LYST: variants seen among roughly 807,000 people sequenced by gnomAD.
LYST encodes the protein lysosomal trafficking regulator.
In LYST, 192 loss-of-function variants were observed where a neutral mutation model predicts 413.6. The ratio of observed to expected loss-of-function variants is 0.46; its 90% CI spans 0.41 to 0.52. The LOEUF is 0.52. Among genes scored for constraint, LYST ranks in the 20% least tolerant of loss-of-function variants. LYST has a pLI of 0.00. For synonymous variants in LYST, 1,525 were observed against 1,567.3 expected (o/e 0.97, Z 0.64); for missense variants, 3,815 against 4,499.9 (o/e 0.85, Z 4.35).
At chr1:235,676,029 C>G (rs1415105931) in intron 50 of LYST, among the ~76,000 whole-genome samples, 1 of 152,084 alleles carries the variant, frequency 6.6e-6, no homozygotes, top group Non-Finnish European at 1.5e-5. Flanking sequence ...ATCTTAAGAC[C>G]CTTAAAAATA....
chr1:235,713,081 C>T, intron 42 of LYST: 1 of 985,402 alleles, frequency 1.0e-6, no homozygotes, highest in Non-Finnish European at 1.2e-6. Context: ...TTCTCCCAGC[C>T]TTAGTTGCTC....
intron 14 of LYST, among the ~76,000 whole-genome samples, chr1:235,785,348 C>T (rs1670309634): frequency 6.6e-6 from 1 of 152,058 alleles, no homozygotes; most frequent in African/African-American, 2.4e-5. Flanking sequence ...TGTCTGATTC[C>T]TCATCAGACT....
At chr1:235,671,205 T>C (rs548031796) in intron 50 of LYST, among the ~76,000 whole-genome samples, 1 of 152,208 alleles carries the variant, frequency 6.6e-6, no homozygotes, top group Non-Finnish European at 1.5e-5. Context: ...CCCAAAGCGT[T>C]GGGATTACAG....
chr1:235,724,955 A>G (rs12088710), intron 38 of LYST, among the ~76,000 whole-genome samples: 6,228 of 152,316 alleles, frequency 0.041, 422 homozygotes, highest in African/African-American at 0.14. Flanking sequence ...CTGCATATGC[A>G]TGCATGTATG....
chr1:235,841,722 C>T (rs1311311343), intron 1 of LYST, among the ~76,000 whole-genome samples: 5 of 152,072 alleles, frequency 3.3e-5, no homozygotes, highest in Admixed American at 1.3e-4. Flanking sequence ...GGAGGGGACA[C>T]ATCATCCTCT....
In LYST at chr1:235,746,443, A is replaced by G. The variant is rs1381455418; in HGVS notation, c.7865T>C (p.Met2622Thr). The change falls in exon 29 of 53, where the codon ATG (methionine) becomes ACG (threonine). Residue 2622 changes from methionine (M) to threonine (T), a missense_variant. By Grantham distance (81) the Met-to-Thr change is moderately conservative. Transcript: ENST00000389793. ...SVANDELHVM[M>T]QRRMSQENPS... ...GTTCTCTTGGCTCATTCTCCGTTGC[A>G]TCATCACATGAAGCTCATCATTTGC... is the stretch of plus-strand genomic sequence containing the variant. 12 of 1,613,508 alleles carry G rather than the reference A, an allele frequency of 7.4e-6. No homozygotes were observed. The highest frequency in any genetic ancestry group is 9.3e-6 in the Non-Finnish European group (11 of 1,179,614).
At chr1:235,730,181 T>C (rs1007924621) in intron 36 of LYST, among the ~76,000 whole-genome samples, 3 of 152,038 alleles carry the variant, frequency 2.0e-5, no homozygotes, top group Non-Finnish European at 4.4e-5. Flanking sequence ...ATTATCTTCT[T>C]TGTGTCTCAG....
chr1:235,759,235 C>A lies in LYST; in HGVS notation c.6618G>T (p.Gln2206His). Reference sequence around the variant, plus strand: ...CTTCTGACCTGGGTTCTGCTCCCAACTGTTTATGATCTGCTTTGACCACTG... The same window carrying A: ...CTTCTGACCTGGGTTCTGCTCCCAAATGTTTATGATCTGCTTTGACCACTG... ...GFPVVKADHK[Q>H]LGAEPRSEDD... Residue 2206 changes from glutamine to histidine, a missense_variant, in exon 23 of 53, where the codon CAG becomes CAT. By Grantham distance (24) the Gln-to-His change is conservative. Transcript: ENST00000389793. The A allele has an allele frequency of 6.2e-7, 1 of 1,614,182 alleles. No homozygotes were observed. The highest frequency in any genetic ancestry group is 8.5e-7 in the Non-Finnish European group (1 of 1,180,018).
At position 235,664,798 on chromosome 1, in the gene LYST, CT is replaced by C. The variant is rs1658297257; in HGVS notation, c.11039-178del. Among the ~76,000 whole-genome samples the C allele has an allele frequency of 6.6e-6, 1 of 152,234 alleles. No individual in the cohort carries two copies. Among genetic ancestry groups the C allele is most frequent in the East Asian group, 1.9e-4 (1 of 5,178 alleles). ...TACTACACAAGTTGCACAGATTTTT[CT>C]TTTTCATTTTCTTTTGAGACAGAGT... On this transcript the variant is annotated intron_variant, in intron 50 of 52. Coordinates refer to ENST00000389793, the MANE Select transcript of LYST (RefSeq NM_000081.4). The surrounding 1 kb of genome is among the most constrained non-coding windows in gnomAD (Gnocchi z 4.5).
intron 42 of LYST, chr1:235,712,907 TAG>T (rs1662520132): frequency 2.0e-6 from 2 of 985,256 alleles, no homozygotes; most frequent in South Asian, 9.4e-5. Context: ...GGGAAAGGCC[TAG>T]AATATTAAAT....
intron 50 of LYST, among the ~76,000 whole-genome samples, chr1:235,666,819 A>G (rs1035145890): frequency 2.6e-5 from 4 of 152,232 alleles, no homozygotes; most frequent in Non-Finnish European, 4.4e-5. Flanking sequence ...TTAAAAGATA[A>G]AATAATTAGA....
intron 1 of LYST, among the ~76,000 whole-genome samples, chr1:235,841,772 G>C (rs1677241030): frequency 6.6e-6 from 1 of 152,152 alleles, no homozygotes; most frequent in African/African-American, 2.4e-5. Flanking sequence ...TGCAGATATA[G>C]AAAACAGGTG....
At position 235,757,446 on chromosome 1, in the gene LYST, G is replaced by A. The variant is rs368568991; in HGVS notation, c.6894C>T (p.Asp2298=). The A allele has an allele frequency of 1.1e-5, 17 of 1,613,144 alleles. No individual in the cohort carries two copies. Among genetic ancestry groups the A allele is most frequent in the Non-Finnish European group, 1.4e-5 (17 of 1,179,400 alleles). ...ATCCACAGCATATAGGTACCAAACA[G>A]TCTTCAGTTACACTAAAACAGAGAC... The part of the protein sequence containing the change: ...RTASAHSVTE[D]CLVPICCGLY... Residue 2298 remains aspartate, a synonymous_variant, in exon 24 of 53, where the codon GAC becomes GAT. Transcript: ENST00000389793.
intron 10 of LYST, among the ~76,000 whole-genome samples, chr1:235,798,570 C>T (rs531468683): frequency 0.016 from 1,174 of 72,518 alleles, 39 homozygotes; most frequent in African/African-American, 0.054. Flanking sequence ...AAGGGCAAAA[C>T]CCTGTCATAA....
chr1:235,812,733 C>T (rs779971835), intron 4 of LYST, among the ~76,000 whole-genome samples: 1 of 152,042 alleles, frequency 6.6e-6, no homozygotes, highest in South Asian at 2.1e-4. Context: ...AGTGTTTCTG[C>T]TTCTTTATAC....
In LYST at chr1:235,866,891, A is replaced by T. The variant is rs1366722420; in HGVS notation, c.-146T>A. On this transcript the variant is annotated 5_prime_UTR_variant, in exon 1 of 53. Coordinates refer to ENST00000389793, the MANE Select transcript of LYST (RefSeq NM_000081.4). ...CCGCGCACTCCCCCTCTCCCGGAGA[A>T]CCCCGAGCCGACGCCGCTGCCGCCG... 6.6e-6 allele frequency: 1 copy of T among 152,224 alleles called. No homozygotes were observed. Among genetic ancestry groups the T allele is most frequent in the Non-Finnish European group, 1.5e-5 (1 of 68,398 alleles). The allele number at this position is 152,224 out of a possible 1,614,324, so 9.4% of individuals were successfully genotyped here.
In LYST at chr1:235,720,820, A is replaced by C; in HGVS notation, c.9401T>G (p.Leu3134Ter). Residue 3134 changes from leucine to a stop codon, truncating the protein, a stop_gained, in exon 40 of 53, where the codon TTA (leucine) becomes TGA (stop). Coordinates refer to ENST00000389793, the MANE Select transcript of LYST (RefSeq NM_000081.4). LOFTEE classifies it high-confidence loss of function. ...EYGNITALTN[L>*]WYTGQITNFE... ...ATTAGTAATTTGCCCAGTATACCATAAATTTGTCAGAGCGGTGATGTTACC... is the reference window on the plus strand; with the variant it reads ...ATTAGTAATTTGCCCAGTATACCATCAATTTGTCAGAGCGGTGATGTTACC... 2 of 1,614,080 alleles carry C rather than the reference A, an allele frequency of 1.2e-6. No homozygotes were observed. Among genetic ancestry groups the C allele is most frequent in the Non-Finnish European group, 1.7e-6 (2 of 1,179,962 alleles).
rs576413659 is a variant in LYST, at chr1:235,673,727, G to A, written c.11038+3364C>T. ...TTGAAATGCGCTTTGTTTCTTCCCC[G>A]CTATCCTCTATTGTTACCCCTTCCC... is the stretch of plus-strand genomic sequence containing the variant. On this transcript the variant is annotated intron_variant, in intron 50 of 52. Coordinates refer to ENST00000389793, the MANE Select transcript of LYST (RefSeq NM_000081.4). 8.6e-5 allele frequency among the ~76,000 whole-genome samples: 13 copies of A among 151,992 alleles called. 1 individual carries two copies. In the South Asian group the frequency reaches 1.0e-3, roughly 12 times the overall value.
intron 46 of LYST, 132 bp from the exon 47 acceptor site, chr1:235,693,618 T>C: frequency 1.1e-6 from 1 of 942,246 alleles, no homozygotes; most frequent in East Asian, 2.4e-5. Flanking sequence ...CATCTTTAAA[T>C]CTCTAAAATG....
Sources: allele counts gnomAD v4.1 joint callset (sites outside exome capture counted in the v4.1 genomes callset), GRCh38; gene constraint gnomAD v4.1.1; non-coding constraint Gnocchi (gnomAD v3.1); transcripts MANE v1.5; gene names NCBI Gene and HGNC (gene_info 2026-07-23, HGNC 2026-07-21).